MUC6: variants seen among roughly 807,000 people sequenced by gnomAD.
The protein encoded by MUC6 is mucin 6, oligomeric mucus/gel-forming (gene/pseudogene).
In MUC6, 188 loss-of-function variants were observed where a neutral mutation model predicts 201.5. That is an observed-to-expected ratio of 0.93 (90% CI 0.83 to 1.05). MUC6 has a LOEUF of 1.05. MUC6 is among the 50% of genes least tolerant of loss of function. The pLI, the probability that MUC6 is intolerant of heterozygous loss-of-function variation, is 0.00. For missense variants in MUC6, 2,706 were observed against 3,256.9 expected, an observed-to-expected ratio of 0.83 and a Z score of 4.12; for synonymous variants, 1,228 against 1,389.4, an observed-to-expected ratio of 0.88 and a Z score of 2.58.
chr11:1,035,555 G>A (rs977004013), intron 1 of MUC6, among the ~76,000 whole-genome samples: 6 of 151,972 alleles, frequency 3.9e-5, no homozygotes, highest in South Asian at 2.1e-4. Flanking sequence ...GGTGCCCGGC[G>A]TGGTGGGGAG....
Position 1,030,620 on chromosome 11 carries a change from C to T in MUC6, c.845G>A (p.Ser282Asn). The T allele has an allele frequency of 6.5e-7, 1 of 1,541,118 alleles. No homozygotes were observed. The highest frequency in any genetic ancestry group is 2.4e-5 in the East Asian group (1 of 41,094). ...ATLSEYSRQC[S>N]MVGQPVRRWR... ...GCGGCGGACCGGCTGGCCCACCATG[C>T]TGCACTGGCGGGAGTACTCCGACAG... Residue 282 changes from serine (S) to asparagine (N), a missense_variant, in exon 7 of 33, where the codon AGC becomes AAC. Around this residue, in one of 10 missense-constraint regions of MUC6, gnomAD observed 1,850 missense variants for 1,958.3 expected, o/e 0.94. Coordinates refer to ENST00000421673, the MANE Select transcript of MUC6 (RefSeq NM_005961.3).
chr11:1,030,905 G>T, intron 6 of MUC6, 42 bp downstream of exon 6: 3 of 1,542,174 alleles, frequency 1.9e-6, no homozygotes, highest in Non-Finnish European at 2.6e-6. Flanking sequence ...CGGCGACCCT[G>T]TCAGACCTGG....
chr11:1,016,661 G>C lies in MUC6; in HGVS notation c.6140C>G (p.Pro2047Arg), dbSNP rs1001766765. Residue 2047 changes from proline to arginine, a missense_variant, in exon 31 of 33, where the codon CCT becomes CGT. Physicochemically the swap from Pro to Arg is moderately radical, Grantham distance 103. Around this residue, in one of 10 missense-constraint regions of MUC6, gnomAD observed 20 missense variants for 43.3 expected, o/e 0.46. Transcript: ENST00000421673. ...TGTGGCCTTGAGCGTTGTTGGTGGA[G>C]GAACGGTGCCTGTTGGCGTTGAGTG... ...SIHSTPTGTV[P>R]PPTTLKATGS... is the part of the protein sequence containing the mutation. The C allele has an allele frequency of 1.1e-5, 17 of 1,613,998 alleles. No homozygotes were observed. Among genetic ancestry groups the C allele is most frequent in the South Asian group, 2.2e-5 (2 of 91,094 alleles).
At chr11:1,021,981 C>T (rs995119645) in intron 26 of MUC6, among the ~76,000 whole-genome samples, 6 of 151,906 alleles carry the variant, frequency 3.9e-5, no homozygotes, top group African/African-American at 1.5e-4. Context: ...TCACAAAGAC[C>T]CCTCCCTCCC....
chr11:1,019,590 G>A (rs1856763003), intron 29 of MUC6, 94 bp from the exon 30 acceptor site: 1 of 1,180,000 alleles, frequency 8.5e-7, no homozygotes, highest in Admixed American at 1.8e-5. Context: ...TGGGATCCCT[G>A]GCCTGCTGTC....
intron 8 of MUC6, 61 bp downstream of exon 8, chr11:1,030,152 C>G: frequency 6.7e-7 from 1 of 1,499,318 alleles, no homozygotes; most frequent in South Asian, 1.3e-5. Context: ...TCTGACGTCC[C>G]CTTGTCTCTG....
At chr11:1,032,574 TAGG>T (rs1857133053) in intron 2 of MUC6, among the ~76,000 whole-genome samples, 2 of 150,022 alleles carry the variant, frequency 1.3e-5, no homozygotes, top group African/African-American at 5.0e-5. Flanking sequence ...CATGTGTGTG[TAGG>T]GTGTGTGTGT....
intron 2 of MUC6, among the ~76,000 whole-genome samples, 173 bp from the exon 3 acceptor site, chr11:1,032,226 A>G (rs905320001): frequency 6.6e-6 from 1 of 152,206 alleles, no homozygotes. Flanking sequence ...ATGCCTGGCC[A>G]GGAGTCAGCA....
intron 2 of MUC6, among the ~76,000 whole-genome samples, chr11:1,032,696 G>T (rs1170527287): frequency 1.3e-5 from 2 of 151,150 alleles, no homozygotes; most frequent in Non-Finnish European, 1.5e-5. Context: ...TTTGTCAGGT[G>T]TGTTTGTGTG....
Position 1,027,158 on chromosome 11 carries a change from C to A in MUC6, c.2267G>T (p.Arg756Leu). Residue 756 changes from arginine (R) to leucine (L), a missense_variant, in exon 18 of 33, where the codon CGG becomes CTG. By Grantham distance (102) the Arg-to-Leu change is moderately radical. Transcript: ENST00000421673. Reference sequence around the variant, plus strand: ...GTACGTACCCAGGAACATCTGTGGCCGCTGCGGGCAACTCAGCCGCCCGTT... The same window carrying A: ...GTACGTACCCAGGAACATCTGTGGCAGCTGCGGGCAACTCAGCCGCCCGTT... ...CINGRLSCPQ[R>L]PQMFLASCQA... The A allele has an allele frequency of 6.2e-7, 1 of 1,612,526 alleles. No individual in the cohort carries two copies. The highest frequency in any genetic ancestry group is 8.5e-7 in the Non-Finnish European group (1 of 1,179,806).
At chr11:1,032,116 GGCAGGC>G (rs1857121157) in intron 2 of MUC6, 63 bp from the exon 3 acceptor site, 3 of 1,583,460 alleles carry the variant, frequency 1.9e-6, no homozygotes, top group African/African-American at 1.3e-5. Flanking sequence ...GCAGGGCTGG[GGCAGGC>G]AGAGAGGTCA....
chr11:1,033,101 T>C lies in MUC6; in HGVS notation c.53-26A>G. On this transcript the variant is annotated intron_variant, in intron 1 of 32. Transcript: ENST00000421673. This position sits in a 1 kb window ranked among gnomAD's most constrained non-coding sequence, Gnocchi z 5.6. ...CTGTGTGGACGGGACCCGCAGTCGG[T>C]GTGGGGCTACCCCGTCGTCCCTGAG... 6.2e-7 allele frequency: 1 copy of C among 1,612,058 alleles called. No individual in the cohort carries two copies. Among genetic ancestry groups the C allele is most frequent in the Non-Finnish European group, 8.5e-7 (1 of 1,178,444 alleles).
intron 2 of MUC6, among the ~76,000 whole-genome samples, chr11:1,032,701 T>C (rs1255047624): frequency 6.7e-6 from 1 of 150,012 alleles, no homozygotes; most frequent in Non-Finnish European, 1.5e-5. Flanking sequence ...CAGGTGTGTT[T>C]GTGTGTAGGT....
At chr11:1,014,094 C>G (rs1185476572) in intron 31 of MUC6, 93 bp from the exon 32 acceptor site, 1 of 1,038,902 alleles carries the variant, frequency 9.6e-7, no homozygotes, top group Non-Finnish European at 1.4e-6. Flanking sequence ...CCCCACCTGT[C>G]TCTGGACTCT....
chr11:1,022,220 C>A (rs1254649345), intron 26 of MUC6, among the ~76,000 whole-genome samples: 1 of 150,358 alleles, frequency 6.7e-6, no homozygotes, highest in Non-Finnish European at 1.5e-5. Flanking sequence ...CCTCTGCAGC[C>A]CTGTGCCCCT....
In MUC6 at chr11:1,025,347, C is replaced by A. The variant is rs371296189; in HGVS notation, c.2820G>T (p.Ala940=). 7.5e-6 allele frequency: 12 copies of A among 1,610,492 alleles called. No homozygotes were observed. In the South Asian group the frequency reaches 1.3e-4, roughly 18 times the overall value. Reference sequence around the variant, plus strand: ...CCCCGGTGACCGTGTAGTTTCTGTCCGCCAGCACCACGGACAGGCCCTGTG... The same window carrying A: ...CCCCGGTGACCGTGTAGTTTCTGTCAGCCAGCACCACGGACAGGCCCTGTG... The part of the protein sequence containing the change: ...IFLGGLSVVL[A]DRNYTVTGEE... The change falls in exon 23 of 33, where the codon GCG becomes GCT. Residue 940 remains alanine, a synonymous_variant. Coordinates refer to ENST00000421673, the MANE Select transcript of MUC6 (RefSeq NM_005961.3).
chr11:1,015,986 C>A lies in MUC6; in HGVS notation c.6815G>T (p.Arg2272Leu). 6.3e-7 allele frequency: 1 copy of A among 1,597,100 alleles called. No homozygotes were observed. Among genetic ancestry groups the A allele is most frequent in the Non-Finnish European group, 8.5e-7 (1 of 1,169,620 alleles). Residue 2272 changes from arginine (R) to leucine (L), a missense_variant, in exon 31 of 33, where the codon CGG becomes CTG. Physicochemically the swap from Arg to Leu is moderately radical, Grantham distance 102 (BLOSUM62 -2). This residue lies in a region of MUC6 where 586 missense variants were observed against 488.0 expected (regional missense o/e 1.20). Transcript: ENST00000421673. ...AACTCGGGTGGTGAGAGAAGTGGAC[C>A]GCGAGGTGGTGGACTGAGAGGAGAA... is the stretch of plus-strand genomic sequence containing the variant. ...PAFSSQSTTS[R>L]STSLTTRVPT...
Position 1,015,849 on chromosome 11 carries a change from A to G in MUC6, c.6952T>C (p.Phe2318Leu). The G allele has an allele frequency of 1.9e-6, 3 of 1,603,172 alleles. No individual in the cohort carries two copies. The highest frequency in any genetic ancestry group is 2.6e-6 in the Non-Finnish European group (3 of 1,173,886). The change falls in exon 31 of 33, where the codon TTC becomes CTC. Residue 2318 changes from phenylalanine (F) to leucine (L), a missense_variant. Physicochemically the swap from Phe to Leu is conservative, Grantham distance 22. Transcript: ENST00000421673. The stretch of plus-strand genomic sequence containing the variant: ...TGGGCAGTGAGGGAGCTGGTCAGGA[A>G]CCGTGTGGTAGGCGACAAGGTGGGA... ...PGPTLSPTTR[F>L]LTSSLTAHGS...
chr11:1,020,613 T>G, intron 28 of MUC6, 71 bp downstream of exon 28: 10 of 1,594,550 alleles, frequency 6.3e-6, no homozygotes, highest in Non-Finnish European at 8.6e-6. Context: ...CCCGACAGAT[T>G]TGTCCAGGGA....
Sources: allele counts gnomAD v4.1 joint callset (sites outside exome capture counted in the v4.1 genomes callset), GRCh38; gene constraint gnomAD v4.1.1; regional missense constraint gnomAD v4.1.1; non-coding constraint Gnocchi (gnomAD v3.1); transcripts MANE v1.5; gene names NCBI Gene and HGNC (gene_info 2026-07-23, HGNC 2026-07-21).